The following PIWIL3 variants were observed in gnomAD, a reference collection of about 807,000 sequenced individuals.
PIWIL3 encodes piwi like RNA-mediated gene silencing 3, also known as piwi-like protein 3.
Under a neutral mutation model 109.7 loss-of-function variants are expected in PIWIL3, and 101 were observed. That is an observed-to-expected ratio of 0.92 (90% CI 0.78 to 1.09). The LOEUF is 1.09. Ranked by LOEUF, PIWIL3 falls within the 50% of genes least tolerant of loss-of-function variation. The pLI, the probability that PIWIL3 is intolerant of heterozygous loss-of-function variation, is 0.00. For synonymous variants in PIWIL3, 373 were observed against 376.4 expected, an observed-to-expected ratio of 0.99 and a Z score of 0.10; for missense variants, 1,031 against 1,072.6, an observed-to-expected ratio of 0.96 and a Z score of 0.54.
At chr22:24,768,236 G>T (rs1925912745) in intron 1 of PIWIL3, among the ~76,000 whole-genome samples, 1 of 151,006 alleles carries the variant, frequency 6.6e-6, no homozygotes, top group African/African-American at 2.4e-5. Flanking sequence ...GTTTTTTGTT[G>T]TTGTTGTTTG....
chr22:24,757,920 C>A lies in PIWIL3; in HGVS notation c.343G>T (p.Asp115Tyr), dbSNP rs1161706547. 9.9e-6 allele frequency: 16 copies of A among 1,608,870 alleles called. No individual in the cohort carries two copies. The South Asian group carries it at 1.8e-4, about 18-fold the overall frequency. Residue 115 changes from aspartate to tyrosine, a missense_variant, in exon 4 of 21, where the codon GAC becomes TAC. Coordinates refer to ENST00000616349, the MANE Select transcript of PIWIL3 (RefSeq NM_001255975.1). ...NTRQDMKHVK[D>Y]SKTGSEGTVV... ...TAGACCAACATACCTGTTTTTGAGT[C>A]TTTAACATGCTTCATATCTTGCCTG...
At chr22:24,767,372 C>CT (rs1482641210) in intron 1 of PIWIL3, among the ~76,000 whole-genome samples, 20 of 122,460 alleles carry the variant, frequency 1.6e-4, no homozygotes, top group African/African-American at 1.5e-4. Context: ...CCCGTCTCTA[C>CT]TAAAAAAAAT....
chr22:24,752,885 C>T (rs1356461488), intron 8 of PIWIL3, among the ~76,000 whole-genome samples: 7 of 152,196 alleles, frequency 4.6e-5, no homozygotes, highest in Non-Finnish European at 5.9e-5. Context: ...AATGATATCT[C>T]ATTGTGGTTT....
chr22:24,773,703 A>ATT (rs61034646), intron 1 of PIWIL3, among the ~76,000 whole-genome samples: 1,127 of 110,130 alleles, frequency 0.01, 39 homozygotes, highest in African/African-American at 0.03. Context: ...GACACTCTAG[A>ATT]TTTTTTTTTT....
chr22:24,732,050 C>T (rs1923382740), intron 14 of PIWIL3, among the ~76,000 whole-genome samples: 1 of 152,194 alleles, frequency 6.6e-6, no homozygotes, highest in Non-Finnish European at 1.5e-5. Flanking sequence ...ACCGACACAT[C>T]CCCAAACATC....
chr22:24,743,601 A>G (rs567499182), intron 12 of PIWIL3, among the ~76,000 whole-genome samples: 5 of 152,328 alleles, frequency 3.3e-5, no homozygotes, highest in South Asian at 2.1e-4. Flanking sequence ...CTTCTCACTC[A>G]TAAGTGGGAG....
intron 13 of PIWIL3, among the ~76,000 whole-genome samples, chr22:24,735,193 G>A (rs1015689576): frequency 2.6e-5 from 4 of 152,168 alleles, no homozygotes; most frequent in African/African-American, 7.2e-5. Context: ...GTGGATACAT[G>A]TCATATACAT....
intron 12 of PIWIL3, among the ~76,000 whole-genome samples, chr22:24,742,862 C>G (rs1924092095): frequency 6.6e-6 from 1 of 152,052 alleles, no homozygotes; most frequent in South Asian, 2.1e-4. Flanking sequence ...GACCAAGAAC[C>G]CAAAAGCAAA....
intron 19 of PIWIL3, among the ~76,000 whole-genome samples, chr22:24,720,875 C>T (rs558340635): frequency 2.6e-5 from 4 of 152,300 alleles, no homozygotes; most frequent in African/African-American, 7.2e-5. Flanking sequence ...TCCCTGGTAA[C>T]TAAAGAATCT....
chr22:24,766,961 C>CA (rs1925831398), intron 1 of PIWIL3, among the ~76,000 whole-genome samples: 1 of 82,604 alleles, frequency 1.2e-5, no homozygotes, highest in Non-Finnish European at 2.5e-5. Context: ...GACACCGTCT[C>CA]TAAAAAAAAA....
At chr22:24,732,315 A>G (rs187004978) in intron 14 of PIWIL3, among the ~76,000 whole-genome samples, 12 of 152,258 alleles carry the variant, frequency 7.9e-5, no homozygotes, top group Admixed American at 3.9e-4. Flanking sequence ...TTTAGTCCCT[A>G]TTATATGGAT....
chr22:24,751,240 A>G lies in PIWIL3; in HGVS notation c.1089+147T>C, dbSNP rs1924692832. 9.3e-6 allele frequency: 7 copies of G among 751,622 alleles called. No individual in the cohort carries two copies. The South Asian group carries it at 1.4e-4, about 15-fold the overall frequency. 46.6% of individuals were successfully genotyped at this position (751,622 alleles called of 1,614,324 possible). On this transcript the variant is annotated intron_variant, in intron 9 of 20. Transcript: ENST00000616349. ...CCCTATATACAAGGCACGTGGATGC[A>G]TGGATAATAGATAAGTCAAGCTATA...
chr22:24,750,482 A>ATTGT (rs1924635414), intron 9 of PIWIL3, among the ~76,000 whole-genome samples: 2 of 114,296 alleles, frequency 1.7e-5, no homozygotes, highest in African/African-American at 6.7e-5. Context: ...ACCACATTTG[A>ATTGT]TTTTTTTTCT....
intron 19 of PIWIL3, among the ~76,000 whole-genome samples, chr22:24,722,504 G>A (rs1033505926): frequency 3.3e-5 from 5 of 152,140 alleles, no homozygotes; most frequent in African/African-American, 1.2e-4. Context: ...CTTGAGGTCA[G>A]GAGTTCGAGA....
chr22:24,734,534 G>T (rs1276726275), intron 13 of PIWIL3, among the ~76,000 whole-genome samples: 1 of 152,200 alleles, frequency 6.6e-6, no homozygotes. Flanking sequence ...CAGGGAAACA[G>T]TTCCTGGGTC....
At chr22:24,754,735 A>C (rs767610824) in intron 7 of PIWIL3, 49 bp downstream of exon 7, 1 of 1,433,132 alleles carries the variant, frequency 7.0e-7, no homozygotes, top group Non-Finnish European at 9.8e-7. Flanking sequence ...TTCTCAAAAA[A>C]TCCTACGTTT....
intron 1 of PIWIL3, among the ~76,000 whole-genome samples, chr22:24,764,670 T>TGTGTGTGTGTGTGTGTGTGTG (rs1407710318): frequency 1.8e-5 from 1 of 56,336 alleles, no homozygotes; most frequent in Non-Finnish European, 3.5e-5. Context: ...GTGTGTGTGT[T>TGTGTGTGTGTGTGTGTGTGTG]GAGACAGGAT....
chr22:24,745,477 G>A (rs892417068), intron 12 of PIWIL3, among the ~76,000 whole-genome samples: 1 of 152,006 alleles, frequency 6.6e-6, no homozygotes, highest in African/African-American at 2.4e-5. Flanking sequence ...AACCAGGGAG[G>A]TGGAGGTTGC....
intron 1 of PIWIL3, among the ~76,000 whole-genome samples, chr22:24,772,573 A>G (rs959977321): frequency 6.6e-5 from 10 of 152,216 alleles, no homozygotes; most frequent in Admixed American, 5.2e-4. Flanking sequence ...AGCAAGTTAC[A>G]GCTACTGGAG....
Sources: gnomAD v4.1 joint callset for allele counts (sites outside exome capture counted in the v4.1 genomes callset) on GRCh38, gnomAD v4.1.1 for gene constraint, MANE v1.5 for transcripts, NCBI Gene and HGNC (gene_info 2026-07-23, HGNC 2026-07-21) for gene names.